Variants in GPHN observed in about 807,000 individuals in gnomAD.
The protein encoded by GPHN is gephyrin.
In GPHN, 17 loss-of-function variants were observed where a neutral mutation model predicts 95.5. The observed-to-expected ratio is 0.18, with a 90% CI of 0.12 to 0.27. The LOEUF (loss-of-function observed/expected upper bound fraction) is 0.27. Among genes scored for constraint, GPHN ranks in the 10% least tolerant of loss-of-function variants. The pLI is 1.00. For missense variants in GPHN, 660 were observed against 978.1 expected, an observed-to-expected ratio of 0.67 and a Z score of 4.34; for synonymous variants, 320 against 322.5, an observed-to-expected ratio of 0.99 and a Z score of 0.08.
At chr14:67,025,083 G>T (rs941273572) in intron 10 of GPHN, among the ~76,000 whole-genome samples, 4 of 152,064 alleles carry the variant, frequency 2.6e-5, no homozygotes, top group African/African-American at 4.8e-5. Flanking sequence ...GATAAGTCTC[G>T]CATTAGATTG....
chr14:67,503,683 T>TG, the GPHN span: 1 of 14,940 alleles, frequency 6.7e-5, no homozygotes, highest in Non-Finnish European at 6.0e-4. Flanking sequence ...CTCAGCTTAC[T>TG]TTTTTTAAAT....
chr14:67,171,658 C>A (rs933205128), intron 21 of GPHN, among the ~76,000 whole-genome samples: 1 of 152,100 alleles, frequency 6.6e-6, no homozygotes, highest in Non-Finnish European at 1.5e-5. Context: ...CCCATCCCCC[C>A]CTCACAAACA....
At chr14:67,609,839 G>A in the GPHN span, among the ~76,000 whole-genome samples, 1 of 152,194 alleles carries the variant, frequency 6.6e-6, no homozygotes, top group Non-Finnish European at 1.5e-5. Flanking sequence ...AAAGGGACTG[G>A]TAGCTCCAGC....
chr14:67,199,765 A>G, the GPHN span: 1 of 1,539,728 alleles, frequency 6.5e-7, no homozygotes, highest in Non-Finnish European at 8.8e-7. Flanking sequence ...TTCCTCCACC[A>G]GGCATGCCTC....
chr14:66,863,819 C>A (rs968039015), intron 4 of GPHN, among the ~76,000 whole-genome samples: 26 of 152,060 alleles, frequency 1.7e-4, no homozygotes, highest in Non-Finnish European at 3.4e-4. Context: ...AATCAAATCA[C>A]AGTAGATTAA....
intron 1 of GPHN, among the ~76,000 whole-genome samples, chr14:66,596,986 G>A (rs1020851162): frequency 6.6e-6 from 1 of 152,218 alleles, no homozygotes; most frequent in Non-Finnish European, 1.5e-5. Flanking sequence ...CTGCTCTGAA[G>A]AGGTACATCT....
intron 1 of GPHN, among the ~76,000 whole-genome samples, chr14:66,535,113 T>C (rs1194330900): frequency 1.3e-5 from 2 of 152,130 alleles, no homozygotes; most frequent in East Asian, 3.8e-4. Context: ...TATTACTTTC[T>C]TTTTTACTCA....
At chr14:67,425,031 G>A in the GPHN span, among the ~76,000 whole-genome samples, 4 of 152,114 alleles carry the variant, frequency 2.6e-5, no homozygotes, top group Non-Finnish European at 5.9e-5. Context: ...TATCTTTCCG[G>A]GAGAAACAAA....
At chr14:66,853,526 C>T (rs1055527820) in intron 4 of GPHN, among the ~76,000 whole-genome samples, 1 of 152,110 alleles carries the variant, frequency 6.6e-6, no homozygotes, top group African/African-American at 2.4e-5. Context: ...AATGAGGAGT[C>T]ATGTCGTACT....
the GPHN span, among the ~76,000 whole-genome samples, chr14:67,505,510 G>A: frequency 2.0e-5 from 3 of 152,076 alleles, no homozygotes; most frequent in Non-Finnish European, 4.4e-5. Flanking sequence ...GGTTCACTGT[G>A]CCCAGGGATG....
chr14:67,724,238 T>C, the GPHN span, among the ~76,000 whole-genome samples: 1 of 152,240 alleles, frequency 6.6e-6, no homozygotes. Context: ...TTTGCTAATA[T>C]GATTATTTGT....
At chr14:67,369,511 A>G in the GPHN span, among the ~76,000 whole-genome samples, 1 of 152,244 alleles carries the variant, frequency 6.6e-6, no homozygotes, top group Admixed American at 6.5e-5. Flanking sequence ...CAGAAAAGGC[A>G]AAATACACAT....
chr14:66,870,979 A>G (rs954654975), intron 4 of GPHN, among the ~76,000 whole-genome samples: 1 of 152,230 alleles, frequency 6.6e-6, no homozygotes, highest in East Asian at 1.9e-4. Flanking sequence ...TGAGGCATTC[A>G]AAGTAGATCA....
At chr14:67,372,958 G>A in the GPHN span, among the ~76,000 whole-genome samples, 2 of 152,132 alleles carry the variant, frequency 1.3e-5, no homozygotes, top group Non-Finnish European at 2.9e-5. Context: ...AAAAGATGTT[G>A]AACATCATTA....
chr14:67,733,605 T>A, the GPHN span: 1 of 604,958 alleles, frequency 1.7e-6, no homozygotes, highest in East Asian at 3.4e-5. Context: ...ATTTTTGGAG[T>A]GCATTTTGTA....
At chr14:66,520,392 TTTA>T (rs1380782185) in intron 1 of GPHN, among the ~76,000 whole-genome samples, 1 of 152,130 alleles carries the variant, frequency 6.6e-6, no homozygotes, top group Non-Finnish European at 1.5e-5. Context: ...ACAGGATCCT[TTTA>T]TTAGGATTCT....
chr14:67,419,722 T>A, the GPHN span, among the ~76,000 whole-genome samples: 55 of 151,940 alleles, frequency 3.6e-4, no homozygotes, highest in African/African-American at 1.3e-3. Flanking sequence ...GGTGGCGGGC[T>A]CCTGTAGTCC....
At chr14:67,324,991 G>A in the GPHN span, among the ~76,000 whole-genome samples, 2,819 of 134,864 alleles carry the variant, frequency 0.021, 41 homozygotes, top group Non-Finnish European at 0.033. Context: ...TGCAAGCTCC[G>A]CCTCCCAGGT....
At chr14:67,234,214 G>C in the GPHN span, among the ~76,000 whole-genome samples, 2 of 152,186 alleles carry the variant, frequency 1.3e-5, no homozygotes, top group Non-Finnish European at 2.9e-5. Context: ...AATTGACAGA[G>C]CTGGGATTCA....
Sources: gnomAD v4.1 joint callset for allele counts (sites outside exome capture counted in the v4.1 genomes callset) on GRCh38, gnomAD v4.1.1 for gene constraint, MANE v1.5 for transcripts, NCBI Gene and HGNC (gene_info 2026-07-23, HGNC 2026-07-21) for gene names.